The following FUT8 variants were observed in gnomAD, a reference collection of about 807,000 sequenced individuals.
The protein encoded by FUT8 is alpha-(1,6)-fucosyltransferase.
FUT8 carries 29 observed loss-of-function variants against 71.3 expected under a neutral mutation model. The observed-to-expected ratio is 0.41, with a 90% confidence interval of 0.30 to 0.55. The LOEUF is 0.55. Among genes scored for constraint, FUT8 ranks in the 20% least tolerant of loss-of-function variants. The pLI is 0.34. For missense variants in FUT8, 544 were observed against 702.1 expected (o/e 0.77, Z 2.55); for synonymous variants, 254 against 239.3 (o/e 1.06, Z -0.57).
At chr14:65,692,808 A>G (rs1394606279) in intron 7 of FUT8, among the ~76,000 whole-genome samples, 1 of 140,790 alleles carries the variant, frequency 7.1e-6, no homozygotes, top group Admixed American at 7.0e-5. Context: ...CCGGGCAGAG[A>G]CGCTCCTCAC....
intron 3 of FUT8, among the ~76,000 whole-genome samples, chr14:65,563,639 G>A (rs1042687565): frequency 6.6e-6 from 1 of 151,836 alleles, no homozygotes; most frequent in African/African-American, 2.4e-5. Context: ...TGGGAATTTT[G>A]CTCCTAAAAA....
At chr14:65,549,656 A>G (rs1885176816) in intron 2 of FUT8, among the ~76,000 whole-genome samples, 1 of 152,194 alleles carries the variant, frequency 6.6e-6, no homozygotes, top group African/African-American at 2.4e-5. Context: ...CTTTTTGCCT[A>G]ACTAATGATG....
At chr14:65,651,467 A>C (rs1304191842) in intron 6 of FUT8, among the ~76,000 whole-genome samples, 2 of 152,250 alleles carry the variant, frequency 1.3e-5, no homozygotes, top group Admixed American at 6.5e-5. Flanking sequence ...CTATCAAAGT[A>C]GAAAATTTAA....
intron 1 of FUT8, among the ~76,000 whole-genome samples, chr14:65,447,100 C>A (rs963550037): frequency 1.3e-5 from 2 of 151,346 alleles, no homozygotes; most frequent in South Asian, 2.1e-4. Flanking sequence ...TCATGTTTTT[C>A]CCTTCTGGGT....
the FUT8 span, among the ~76,000 whole-genome samples, chr14:65,371,012 T>C: frequency 6.6e-6 from 1 of 152,218 alleles, no homozygotes; most frequent in African/African-American, 2.4e-5. Context: ...TTTAGTAATG[T>C]TTGTCATGTA....
chr14:65,406,207 C>T (rs920611784), upstream of FUT8, among the ~76,000 whole-genome samples: 1 of 152,222 alleles, frequency 6.6e-6, no homozygotes, highest in Non-Finnish European at 1.5e-5. Context: ...ACAACATTTA[C>T]TATATGTCAA....
Position 65,646,850 on chromosome 14 carries a change from CA to C in FUT8, c.597+17245del, listed in dbSNP as rs953506694. Among the ~76,000 whole-genome samples the C allele has an allele frequency of 3.3e-5, 5 of 152,160 alleles. No homozygotes were observed. The East Asian group carries it at 5.8e-4, about 18-fold the overall frequency. ...TACATCTCTGTGCAATTGATTAAAA[CA>C]TATGGATAAGCTCTGACCCTGAAAA... On this transcript the variant is annotated intron_variant, in intron 6 of 10. Transcript: ENST00000673929.
chr14:65,434,066 A>G (rs1160918772), intron 1 of FUT8, among the ~76,000 whole-genome samples: 2 of 152,266 alleles, frequency 1.3e-5, no homozygotes, highest in African/African-American at 4.8e-5. Context: ...GGCCACAGCA[A>G]GTAAAGAGAG....
At chr14:65,676,712 A>G (rs145974342) in intron 7 of FUT8, among the ~76,000 whole-genome samples, 11 of 151,756 alleles carry the variant, frequency 7.2e-5, no homozygotes, top group African/African-American at 2.7e-4. Flanking sequence ...TCTCAGTCAC[A>G]GTTGACCTTC....
At chr14:65,648,259 C>G (rs1002525447) in intron 6 of FUT8, among the ~76,000 whole-genome samples, 1 of 152,228 alleles carries the variant, frequency 6.6e-6, no homozygotes, top group African/African-American at 2.4e-5. Context: ...CTGGCCTAGA[C>G]AGTGATGAAA....
chr14:65,372,727 T>C, the FUT8 span, among the ~76,000 whole-genome samples: 1 of 152,338 alleles, frequency 6.6e-6, no homozygotes, highest in African/African-American at 2.4e-5. Flanking sequence ...TCCTTCTTTC[T>C]TTAGTAGAAT....
chr14:65,691,922 G>A (rs1280313535), intron 7 of FUT8, among the ~76,000 whole-genome samples: 2 of 152,202 alleles, frequency 1.3e-5, no homozygotes, highest in African/African-American at 4.8e-5. Flanking sequence ...TTGGGGGTAA[G>A]GTCATAGATC....
rs1023319430 is a variant in FUT8, at chr14:65,627,545, C to G, written c.483-1947C>G. Among the ~76,000 whole-genome samples the G allele has an allele frequency of 6.6e-6, 1 of 152,176 alleles. No individual in the cohort carries two copies. Among genetic ancestry groups the G allele is most frequent in the African/African-American group, 2.4e-5 (1 of 41,456 alleles). ...TTCCGGGGTTTGCATTTCTTCTTAC[C>G]TGATTTTTCCTTGGGGCAGGCTGTC... On this transcript the variant is annotated intron_variant, in intron 5 of 10. Coordinates refer to ENST00000673929, the MANE Select transcript of FUT8 (RefSeq NM_001371533.1). The surrounding 1 kb of genome is among the most constrained non-coding windows in gnomAD (Gnocchi z 4.0).
At chr14:65,502,984 T>G (rs1344533765) in intron 2 of FUT8, among the ~76,000 whole-genome samples, 1 of 152,206 alleles carries the variant, frequency 6.6e-6, no homozygotes, top group Non-Finnish European at 1.5e-5. Flanking sequence ...AACTACTGGT[T>G]TGGCTTAGAT....
chr14:65,742,596 A>G lies in FUT8; in HGVS notation c.*186A>G. On this transcript the variant is annotated 3_prime_UTR_variant, in exon 11 of 11. Coordinates refer to ENST00000673929, the MANE Select transcript of FUT8 (RefSeq NM_001371533.1). ...CAATTGGTGGAATTCCTCTTTAACAAGGGCTGCAATGCCCTCATACCCATG... is the reference window on the plus strand; with the variant it reads ...CAATTGGTGGAATTCCTCTTTAACAGGGGCTGCAATGCCCTCATACCCATG... 1.7e-6 allele frequency: 1 copy of G among 593,864 alleles called. No individual in the cohort carries two copies. Among genetic ancestry groups the G allele is most frequent in the South Asian group, 2.1e-5 (1 of 48,212 alleles). The allele number at this position is 593,864 out of a possible 1,614,324, so 36.8% of individuals were successfully genotyped here.
the FUT8 span, among the ~76,000 whole-genome samples, chr14:65,394,804 G>A: frequency 7.0e-3 from 1,044 of 150,058 alleles, 9 homozygotes; most frequent in African/African-American, 0.024. Context: ...AGAGTGCAGC[G>A]GCATGATCTT....
At chr14:65,402,964 G>A in the FUT8 span, among the ~76,000 whole-genome samples, 1 of 152,200 alleles carries the variant, frequency 6.6e-6, no homozygotes, top group Non-Finnish European at 1.5e-5. Flanking sequence ...CAACAGTTGT[G>A]TTATAGCATG....
chr14:65,480,552 G>C (rs569921550), intron 2 of FUT8, among the ~76,000 whole-genome samples: 12 of 151,726 alleles, frequency 7.9e-5, no homozygotes, highest in Non-Finnish European at 1.5e-4. Flanking sequence ...TGGGCTCAAG[G>C]GATCTGCCTA....
Position 65,439,954 on chromosome 14 carries a change from G to GTACATATA in FUT8, c.-325-15665_-325-15664insCATATATA, listed in dbSNP as rs1378430231. Among the ~76,000 whole-genome samples, 33 of 74,974 alleles carry GTACATATA rather than the reference G, an allele frequency of 4.4e-4. No individual in the cohort carries two copies. The East Asian group carries it at 6.7e-3, about 15-fold the overall frequency. 49.2% of individuals were successfully genotyped at this position (74,974 alleles called of 152,430 possible). On this transcript the variant is annotated intron_variant, in intron 1 of 10. Coordinates refer to ENST00000673929, the MANE Select transcript of FUT8 (RefSeq NM_001371533.1). ...ATAAAGAAAATGTGTGTGTGTGTGT[G>GTACATATA]TATATATATATATATATATATATAT...
Sources: gnomAD v4.1 joint callset for allele counts (sites outside exome capture counted in the v4.1 genomes callset) on GRCh38, gnomAD v4.1.1 for gene constraint, Gnocchi (gnomAD v3.1) non-coding constraint, MANE v1.5 for transcripts, NCBI Gene and HGNC (gene_info 2026-07-23, HGNC 2026-07-21) for gene names.